CAST: variants seen among roughly 807,000 people sequenced by gnomAD.
The protein encoded by CAST is MIR583 host.
A neutral mutation model predicts 119.6 loss-of-function variants in CAST; 76 were observed. That is an observed-to-expected ratio of 0.64 (90% confidence interval 0.53 to 0.77). The LOEUF is 0.77. Among genes scored for constraint, CAST ranks in the 30% least tolerant of loss-of-function variants. The probability of loss-of-function intolerance (pLI) is 0.00; values close to 1 mark genes in which losing one functional copy is unlikely to be tolerated. For synonymous variants in CAST, 319 were observed against 331.6 expected (o/e 0.96, Z 0.41); for missense variants, 953 against 946.5 (o/e 1.01, Z -0.09).
chr5:96,373,540 A>C, the CAST span, among the ~76,000 whole-genome samples: 3 of 152,190 alleles, frequency 2.0e-5, no homozygotes, highest in African/African-American at 7.2e-5. Flanking sequence ...TAGGACTTTC[A>C]GAAAATTGCT....
chr5:96,496,108 A>G, the CAST span, among the ~76,000 whole-genome samples: 1 of 152,196 alleles, frequency 6.6e-6, no homozygotes, highest in Non-Finnish European at 1.5e-5. Context: ...TCTTATGTCT[A>G]TAAAGTAAAA....
the CAST span, among the ~76,000 whole-genome samples, chr5:96,414,118 G>A: frequency 1.4e-5 from 2 of 148,074 alleles, no homozygotes; most frequent in Admixed American, 1.3e-4. Flanking sequence ...CAGCCTGGGC[G>A]ACAGAGTGAG....
At chr5:96,302,428 T>A in the CAST span, among the ~76,000 whole-genome samples, 1 of 152,242 alleles carries the variant, frequency 6.6e-6, no homozygotes, top group African/African-American at 2.4e-5. Context: ...TTCTGCAGCA[T>A]TCCTGAATTC....
At chr5:96,328,374 TCTCTCTCCCTCTCTCTCTC>T in the CAST span, among the ~76,000 whole-genome samples, 1 of 22,662 alleles carries the variant, frequency 4.4e-5, no homozygotes, top group African/African-American at 2.8e-4. Context: ...TGTCTTTCCT[TCTCTCTCCCTCTCTCTCTC>T]TCTCTCTCTC....
chr5:96,249,852 T>G, the CAST span, among the ~76,000 whole-genome samples: 2 of 152,190 alleles, frequency 1.3e-5, no homozygotes, highest in African/African-American at 4.8e-5. Flanking sequence ...TGTTTTAATC[T>G]CCTCTACCAT....
At chr5:96,433,112 G>T in the CAST span, 1 of 1,431,500 alleles carries the variant, frequency 7.0e-7, no homozygotes, top group Non-Finnish European at 9.8e-7. Context: ...AGAAAAGCCA[G>T]ACAGACTCCC....
the CAST span, among the ~76,000 whole-genome samples, chr5:96,033,536 C>G: frequency 6.6e-6 from 1 of 152,002 alleles, no homozygotes; most frequent in Non-Finnish European, 1.5e-5. Context: ...ATACCAAGAA[C>G]AAACAATAGG....
At chr5:96,556,908 C>T (rs991724980) in intron 1 of CAST, among the ~76,000 whole-genome samples, 4 of 152,080 alleles carry the variant, frequency 2.6e-5, no homozygotes, top group African/African-American at 9.7e-5. Flanking sequence ...ACATAATTGT[C>T]AGATTCACCA....
intron 16 of CAST, among the ~76,000 whole-genome samples, chr5:96,744,682 C>T (rs1763383571): frequency 6.6e-6 from 1 of 152,164 alleles, no homozygotes; most frequent in African/African-American, 2.4e-5. Context: ...TAGTACCCGA[C>T]TTAGTGGGTC....
the CAST span, among the ~76,000 whole-genome samples, chr5:96,045,137 G>A: frequency 1.3e-5 from 2 of 152,168 alleles, no homozygotes; most frequent in Non-Finnish European, 2.9e-5. Flanking sequence ...TGGATCACCT[G>A]AGGTCAGGAG....
At chr5:96,662,861 C>T (rs1234126236) in intron 1 of CAST, 3 of 564,718 alleles carry the variant, frequency 5.3e-6, no homozygotes, top group South Asian at 4.3e-5. Flanking sequence ...ATGTAGTCTT[C>T]CGCGCTAAGG....
chr5:96,431,727 G>A, the CAST span, among the ~76,000 whole-genome samples: 1 of 152,162 alleles, frequency 6.6e-6, no homozygotes, highest in Non-Finnish European at 1.5e-5. Flanking sequence ...ATTCCCCAGA[G>A]GGTTCGGTCT....
At chr5:96,399,896 T>C in the CAST span, 6 of 1,339,440 alleles carry the variant, frequency 4.5e-6, no homozygotes, top group African/African-American at 5.7e-5. Context: ...ATGGCAAACA[T>C]AGTAATGAAA....
the CAST span, chr5:96,408,331 A>T: frequency 6.2e-7 from 1 of 1,609,946 alleles, no homozygotes; most frequent in East Asian, 2.2e-5. Flanking sequence ...CGTCTGGATG[A>T]CGTCAGGAAG....
the CAST span, among the ~76,000 whole-genome samples, chr5:96,223,236 T>C: frequency 1.3e-5 from 2 of 152,092 alleles, no homozygotes; most frequent in African/African-American, 2.4e-5. Context: ...TTAGCAAAAA[T>C]AGATTACATG....
At chr5:96,718,386 A>G (rs1397088522) in intron 3 of CAST, among the ~76,000 whole-genome samples, 1 of 152,176 alleles carries the variant, frequency 6.6e-6, no homozygotes, top group African/African-American at 2.4e-5. Flanking sequence ...ACTGACTATT[A>G]AAGAACACTG....
At chr5:96,069,765 C>A in the CAST span, among the ~76,000 whole-genome samples, 262 of 147,236 alleles carry the variant, frequency 1.8e-3, 1 homozygote, top group African/African-American at 6.5e-3. Flanking sequence ...CTTCCCAATG[C>A]GCTGGGATTA....
At chr5:96,412,721 C>A in the CAST span, among the ~76,000 whole-genome samples, 1 of 143,452 alleles carries the variant, frequency 7.0e-6, no homozygotes, top group Non-Finnish European at 1.5e-5. Context: ...TAATACTATG[C>A]AATACCATGC....
the CAST span, among the ~76,000 whole-genome samples, chr5:96,138,412 C>T: frequency 6.6e-6 from 1 of 151,986 alleles, no homozygotes; most frequent in African/African-American, 2.4e-5. Context: ...ATATTAAGTC[C>T]TCCAACACTG....
Sources: gnomAD v4.1 joint callset for allele counts (sites outside exome capture counted in the v4.1 genomes callset) on GRCh38, gnomAD v4.1.1 for gene constraint, MANE v1.5 for transcripts, NCBI Gene and HGNC (gene_info 2026-07-23, HGNC 2026-07-21) for gene names.